Variants in TUBGCP5 observed in about 807,000 individuals in gnomAD.
TUBGCP5 encodes tubulin gamma complex component 5, also known as gamma-tubulin complex component 5.
TUBGCP5 carries 98 observed loss-of-function variants against 134.7 expected under a neutral mutation model. The observed-to-expected ratio is 0.73, with a 90% CI of 0.62 to 0.86. The LOEUF is 0.86. Among genes scored for constraint, TUBGCP5 ranks in the 40% least tolerant of loss-of-function variants. The pLI, the probability that TUBGCP5 is intolerant of heterozygous loss-of-function variation, is 0.00. For missense variants in TUBGCP5, 1,150 were observed against 1,244.8 expected (o/e 0.92, Z 1.15); for synonymous variants, 456 against 431.4 (o/e 1.06, Z -0.71).
In TUBGCP5 at chr15:23,039,384, GC is replaced by G; in HGVS notation, c.146+13del. Reference sequence around the variant, plus strand: ...GCTGTGGCCGGGAACCCGCCCGCGCGCCGTGCCCCACACCTGAAGTTGGACC... The same window carrying G: ...GCTGTGGCCGGGAACCCGCCCGCGCGCGTGCCCCACACCTGAAGTTGGACC... On this transcript the variant is annotated intron_variant, in intron 1 of 22. Coordinates refer to ENST00000615383, the MANE Select transcript of TUBGCP5 (RefSeq NM_052903.6). The G allele has an allele frequency of 7.0e-7, 1 of 1,429,134 alleles. No homozygotes were observed. 88.5% of individuals were successfully genotyped at this position (1,429,134 alleles called of 1,614,324 possible).
chr15:23,017,035 A>G (rs950973237), intron 13 of TUBGCP5, among the ~76,000 whole-genome samples: 1 of 146,576 alleles, frequency 6.8e-6, no homozygotes, highest in Non-Finnish European at 1.5e-5. Context: ...TTGCAGCAAC[A>G]CTGATGGAAA....
chr15:23,034,550 T>C (rs1423683787), intron 3 of TUBGCP5, among the ~76,000 whole-genome samples: 1 of 152,170 alleles, frequency 6.6e-6, no homozygotes, highest in Admixed American at 6.6e-5. Flanking sequence ...CCCAGTAGAC[T>C]GGCATGAGCT....
intron 10 of TUBGCP5, chr15:23,023,064 A>G (rs1158839660): frequency 1.3e-5 from 2 of 152,212 alleles, no homozygotes; most frequent in Non-Finnish European, 2.9e-5. Flanking sequence ...TCCATTTATA[A>G]GAACCTACCC....
Position 23,014,684 on chromosome 15 carries a change from G to A in TUBGCP5, c.1756+3089C>T, listed in dbSNP as rs148701746. ...CCCCTTGAACTGTGCAGGCAGACATGCACCCAGGCTAGCAAAGCAGCCTTG... is the reference window on the plus strand; with the variant it reads ...CCCCTTGAACTGTGCAGGCAGACATACACCCAGGCTAGCAAAGCAGCCTTG... On this transcript the variant is annotated intron_variant, in intron 13 of 22. Transcript: ENST00000615383. Among the ~76,000 whole-genome samples, 758 of 152,242 alleles carry A rather than the reference G, an allele frequency of 5.0e-3. 3 individuals carry two copies. The highest frequency in any genetic ancestry group is 5.4e-3 in the Admixed American group (82 of 15,294).
Position 23,032,953 on chromosome 15 carries a change from A to G in TUBGCP5, c.310-129T>C, listed in dbSNP as rs916309687. On this transcript the variant is annotated intron_variant, in intron 3 of 22. Coordinates refer to ENST00000615383, the MANE Select transcript of TUBGCP5 (RefSeq NM_052903.6). ...CCTGGTTTGAGAAAACATGAGTTAT[A>G]CCTAAATAATCCTTAACCTTCAAAC... 5.3e-6 allele frequency: 3 copies of G among 564,964 alleles called. No individual in the cohort carries two copies. The African/African-American group carries it at 5.7e-5, about 11-fold the overall frequency. 35.0% of individuals were successfully genotyped at this position (564,964 alleles called of 1,614,324 possible).
rs2065156561 is a variant in TUBGCP5 at position 23,013,515 on chromosome 15, T to C, written c.1757-2184A>G. On this transcript the variant is annotated intron_variant, in intron 13 of 22. Transcript: ENST00000615383. This position sits in a 1 kb window ranked among gnomAD's most constrained non-coding sequence, Gnocchi z 4.5. Reference sequence around the variant, plus strand: ...GCAGAGGGGGAATGTGACACAGTGTTGGTGACTGGAGGCCCAGGAGGGCAG... The same window carrying C: ...GCAGAGGGGGAATGTGACACAGTGTCGGTGACTGGAGGCCCAGGAGGGCAG... Among the ~76,000 whole-genome samples the C allele has an allele frequency of 6.6e-6, 1 of 151,796 alleles. No individual in the cohort carries two copies. The highest frequency in any genetic ancestry group is 2.1e-4 in the South Asian group (1 of 4,822).
chr15:23,015,585 T>C (rs1279260183), intron 13 of TUBGCP5, among the ~76,000 whole-genome samples: 2 of 151,976 alleles, frequency 1.3e-5, no homozygotes, highest in African/African-American at 4.8e-5. Context: ...GAGTTTGCAG[T>C]GAGCCGAGAT....
intron 3 of TUBGCP5, among the ~76,000 whole-genome samples, chr15:23,036,465 G>A (rs772109006): frequency 4.0e-5 from 6 of 151,566 alleles, no homozygotes; most frequent in African/African-American, 7.3e-5. Context: ...GAGGATAACA[G>A]CTTTTTTTTT....
chr15:23,035,365 T>C (rs1485601169), intron 3 of TUBGCP5, among the ~76,000 whole-genome samples: 3 of 151,516 alleles, frequency 2.0e-5, no homozygotes, highest in Admixed American at 1.3e-4. Context: ...AAGTTATTGC[T>C]ACACCACACA....
chr15:22,996,185 T>G (rs1227420995), downstream of TUBGCP5, among the ~76,000 whole-genome samples: 1 of 152,254 alleles, frequency 6.6e-6, no homozygotes, highest in Admixed American at 6.5e-5. Flanking sequence ...AAATGCCATA[T>G]AGTTTCCCCA....
In TUBGCP5 at chr15:23,019,237, C is replaced by T; in HGVS notation, c.1469G>A (p.Arg490Lys). Residue 490 changes from arginine to lysine, a missense_variant, in exon 12 of 23, where the codon AGG becomes AAG. By Grantham distance (26) the Arg-to-Lys change is conservative. Transcript: ENST00000615383. ...IVHGHLWDGA[R>K]EFIIQRNKNV... is the part of the protein sequence containing the mutation. ...AGCTCACCTCTGGATGATGAACTCC[C>T]TGGCGCCATCCCACAGGTGCCCGTG... 1 of 1,613,730 alleles carries T rather than the reference C, an allele frequency of 6.2e-7. No homozygotes were observed. Among genetic ancestry groups the T allele is most frequent in the South Asian group, 1.1e-5 (1 of 90,972 alleles).
At chr15:23,005,957 C>G (rs1216937399) in intron 18 of TUBGCP5, 95 bp downstream of exon 18, 12 of 1,177,682 alleles carry the variant, frequency 1.0e-5, no homozygotes, top group Middle Eastern at 3.0e-4. Context: ...TTTTTTTTTT[C>G]CAGATCCCCG....
At chr15:23,027,535 T>G (rs1043089986) in intron 6 of TUBGCP5, among the ~76,000 whole-genome samples, 4 of 152,020 alleles carry the variant, frequency 2.6e-5, no homozygotes, top group African/African-American at 9.7e-5. Context: ...GATGACCACT[T>G]GAATCCAGGA....
intron 23 of TUBGCP5, among the ~76,000 whole-genome samples, chr15:22,992,663 A>G (rs141284079): frequency 1.7e-3 from 255 of 152,252 alleles, no homozygotes; most frequent in Non-Finnish European, 3.3e-3. Context: ...TGCTTTGAAC[A>G]CACTGTTCTT....
chr15:22,990,273 C>T (rs921585254), intron 23 of TUBGCP5, among the ~76,000 whole-genome samples: 4 of 151,890 alleles, frequency 2.6e-5, no homozygotes, highest in African/African-American at 9.7e-5. Context: ...TCTTCCATCT[C>T]TCTCCTCCTC....
chr15:23,036,567 G>T (rs2066599741), intron 3 of TUBGCP5, among the ~76,000 whole-genome samples: 1 of 151,942 alleles, frequency 6.6e-6, no homozygotes, highest in Non-Finnish European at 1.5e-5. Context: ...CAGGCATCTA[G>T]TAAGCATCTA....
intron 9 of TUBGCP5, 54 bp downstream of exon 9, chr15:23,024,683 T>C: frequency 4.3e-6 from 4 of 931,446 alleles, no homozygotes; most frequent in Non-Finnish European, 6.5e-6. Flanking sequence ...AAAATTATAT[T>C]ACTAGTTTAC....
intron 15 of TUBGCP5, among the ~76,000 whole-genome samples, chr15:23,009,526 C>T (rs1029410709): frequency 6.6e-6 from 1 of 152,054 alleles, no homozygotes; most frequent in Non-Finnish European, 1.5e-5. Flanking sequence ...CCTCAGCCTC[C>T]CAAAGTGCTG....
chr15:23,019,296 C>T lies in TUBGCP5; in HGVS notation c.1410G>A (p.Arg470=), dbSNP rs771975390. 2.5e-6 allele frequency: 4 copies of T among 1,613,994 alleles called. No individual in the cohort carries two copies. Among genetic ancestry groups the T allele is most frequent in the African/African-American group, 2.7e-5 (2 of 75,006 alleles). The change falls in exon 12 of 23, where the codon CGG becomes CGA. Residue 470 remains arginine, a synonymous_variant. Transcript: ENST00000615383. ...ACTCGTCCACCGTCTGCAGGTAAGGCCGCACCGTTTCCACCCAGAGAGAGA... is the reference window on the plus strand; with the variant it reads ...ACTCGTCCACCGTCTGCAGGTAAGGTCGCACCGTTTCCACCCAGAGAGAGA... The part of the protein sequence containing the change: ...LLFSLWVETV[R]PYLQTVDEWI...
Sources: gnomAD v4.1 joint callset for allele counts (sites outside exome capture counted in the v4.1 genomes callset) on GRCh38, gnomAD v4.1.1 for gene constraint, Gnocchi (gnomAD v3.1) non-coding constraint, MANE v1.5 for transcripts, NCBI Gene and HGNC (gene_info 2026-07-23, HGNC 2026-07-21) for gene names.